FBXL20: variants seen among roughly 807,000 people sequenced by gnomAD.
FBXL20 encodes the protein F-box and leucine rich repeat protein 20.
FBXL20 carries 11 observed loss-of-function variants against 64.0 expected under a neutral mutation model. The ratio of observed to expected loss-of-function variants is 0.17; its 90% CI spans 0.11 to 0.28. FBXL20 has a LOEUF of 0.28. Ranked by LOEUF, FBXL20 falls within the 10% of genes least tolerant of loss-of-function variation. The pLI is 1.00. For synonymous variants in FBXL20, 184 were observed against 189.0 expected, an observed-to-expected ratio of 0.97 and a Z score of 0.22; for missense variants, 303 against 526.2, an observed-to-expected ratio of 0.58 and a Z score of 4.15.
intron 1 of FBXL20, among the ~76,000 whole-genome samples, chr17:39,398,646 C>T (rs1013220922): frequency 1.3e-5 from 2 of 151,994 alleles, no homozygotes; most frequent in Non-Finnish European, 2.9e-5. Flanking sequence ...TGCTACACAT[C>T]TGGCTAACAG....
Position 39,254,447 on chromosome 17 carries a change from C to T in FBXL20, c.*7013G>A, listed in dbSNP as rs752314. On this transcript the variant is annotated 3_prime_UTR_variant, in exon 15 of 15. Coordinates refer to ENST00000264658, the MANE Select transcript of FBXL20 (RefSeq NM_032875.3). ...AAGAGAAAAGGTAAATATGTCTGGA[C>T]ACCTCTCTTCTCCCATCTCTTCCTA... 94,669 of 152,924 alleles carry T rather than the reference C, an allele frequency of 0.62. 32,505 individuals are homozygous for T. Among genetic ancestry groups the T allele is most frequent in the South Asian group, 0.89 (4,314 of 4,850 alleles). The allele number at this position is 152,924 out of a possible 1,614,324, so 9.5% of individuals were successfully genotyped here. A position where few individuals can be genotyped will look rare whatever the true frequency, so the allele number is the denominator to read the frequency against.
At chr17:39,363,227 T>C (rs1046732013) in intron 1 of FBXL20, among the ~76,000 whole-genome samples, 1 of 151,300 alleles carries the variant, frequency 6.6e-6, no homozygotes, top group African/African-American at 2.4e-5. Context: ...TTGGTCAGGC[T>C]GGTCTTGAAC....
At chr17:39,386,539 G>A (rs778467643) in intron 1 of FBXL20, among the ~76,000 whole-genome samples, 15 of 149,642 alleles carry the variant, frequency 1.0e-4, no homozygotes, top group South Asian at 4.3e-4. Context: ...CACAAAAATC[G>A]CTTGAACCCG....
intron 2 of FBXL20, among the ~76,000 whole-genome samples, chr17:39,336,961 C>T (rs1242473174): frequency 6.6e-6 from 1 of 151,760 alleles, no homozygotes; most frequent in African/African-American, 2.4e-5. Flanking sequence ...CCTCTCCCTC[C>T]TCTCCCTCCT....
At chr17:39,399,905 T>C (rs2048224878) in intron 1 of FBXL20, among the ~76,000 whole-genome samples, 1 of 152,182 alleles carries the variant, frequency 6.6e-6, no homozygotes, top group Non-Finnish European at 1.5e-5. Context: ...GGCAAAAGAC[T>C]GTCCCCGACT....
At position 39,259,351 on chromosome 17, in the gene FBXL20, TG is replaced by T. The variant is rs1454393371; in HGVS notation, c.*2108del. The T allele has an allele frequency of 6.6e-6, 1 of 152,056 alleles. No individual in the cohort carries two copies. The highest frequency in any genetic ancestry group is 2.4e-5 in the African/African-American group (1 of 41,400). The allele number at this position is 152,056 out of a possible 1,614,324, so 9.4% of individuals were successfully genotyped here. ...AAATAAAACAAGCCTTTTAATAGTC[TG>T]GATCATATAGAAGATTAATATTATG... On this transcript the variant is annotated 3_prime_UTR_variant, in exon 15 of 15. Transcript: ENST00000264658.
rs76021350 is a variant in FBXL20, at chr17:39,345,957, A to G, written c.43-2716T>C. Among the ~76,000 whole-genome samples the G allele has an allele frequency of 9.2e-3, 1,395 of 152,246 alleles. 17 individuals carry two copies. The highest frequency in any genetic ancestry group is 0.032 in the African/African-American group (1,318 of 41,546). On this transcript the variant is annotated intron_variant, in intron 1 of 14. Coordinates refer to ENST00000264658, the MANE Select transcript of FBXL20 (RefSeq NM_032875.3). The stretch of plus-strand genomic sequence containing the variant: ...TAGGGTTGTGCACAGAGCCTGCTAC[A>G]TGGCAGGAAATCAATAAATCTACCT...
chr17:39,325,669 G>A (rs1254728503), intron 2 of FBXL20, among the ~76,000 whole-genome samples: 1 of 152,116 alleles, frequency 6.6e-6, no homozygotes, highest in Non-Finnish European at 1.5e-5. Context: ...ATTGTAGAGA[G>A]ATCCAATGTG....
intron 2 of FBXL20, among the ~76,000 whole-genome samples, chr17:39,316,652 A>T (rs561574208): frequency 6.6e-6 from 1 of 152,262 alleles, no homozygotes; most frequent in African/African-American, 2.4e-5. Context: ...AAGGGAAGCC[A>T]TAAGTTCAGA....
chr17:39,337,517 C>T (rs2047535645), intron 2 of FBXL20, among the ~76,000 whole-genome samples: 1 of 151,924 alleles, frequency 6.6e-6, no homozygotes. Context: ...CTCTGCCCGG[C>T]CGCCCATCGT....
chr17:39,380,638 A>G (rs1191176532), intron 1 of FBXL20, among the ~76,000 whole-genome samples: 1 of 152,046 alleles, frequency 6.6e-6, no homozygotes, highest in Non-Finnish European at 1.5e-5. Flanking sequence ...GCCCATCACT[A>G]TCATTAACAT....
intron 2 of FBXL20, among the ~76,000 whole-genome samples, chr17:39,323,612 A>T (rs964445756): frequency 6.6e-6 from 1 of 152,066 alleles, no homozygotes; most frequent in African/African-American, 2.4e-5. Context: ...GAAGAATACT[A>T]CTGACTTAAT....
intron 1 of FBXL20, among the ~76,000 whole-genome samples, chr17:39,360,404 A>G (rs1181535338): frequency 6.6e-6 from 1 of 152,232 alleles, no homozygotes; most frequent in Admixed American, 6.5e-5. Flanking sequence ...TGCATATTTT[A>G]TAATAAAAAT....
At chr17:39,333,380 C>T (rs1253023824) in intron 2 of FBXL20, among the ~76,000 whole-genome samples, 2 of 152,242 alleles carry the variant, frequency 1.3e-5, no homozygotes, top group African/African-American at 2.4e-5. Context: ...CTCCTGACCG[C>T]GAGTGATCTG....
In FBXL20 at chr17:39,265,403, T is replaced by C; in HGVS notation, c.984A>G (p.Gln328=). The C allele has an allele frequency of 6.2e-7, 1 of 1,609,124 alleles. No homozygotes were observed. Among genetic ancestry groups the C allele is most frequent in the Non-Finnish European group, 8.5e-7 (1 of 1,176,388 alleles). ...IQLSIHCPRL[Q]VLSLSHCELI... is the part of the protein sequence containing the mutation. ...TTTTCAAAGTTAAACTCACCAATAC[T>C]TGAAGTCGAGGACAGTGTATAGAAA... Residue 328 remains glutamine (Q), a synonymous_variant, in exon 13 of 15, where the codon CAA becomes CAG. Transcript: ENST00000264658.
chr17:39,386,083 A>G (rs1450089764), intron 1 of FBXL20, among the ~76,000 whole-genome samples: 2 of 144,898 alleles, frequency 1.4e-5, no homozygotes, highest in African/African-American at 5.2e-5. Flanking sequence ...GGTGGCTCAC[A>G]CCTGTAATCT....
chr17:39,311,825 G>A (rs1212449784), intron 2 of FBXL20, among the ~76,000 whole-genome samples: 3 of 152,128 alleles, frequency 2.0e-5, no homozygotes, highest in Non-Finnish European at 4.4e-5. Flanking sequence ...ACAGGTGAGA[G>A]GCTTTACAAG....
At chr17:39,290,020 A>AG (rs2047023980) in intron 6 of FBXL20, among the ~76,000 whole-genome samples, 2 of 145,784 alleles carry the variant, frequency 1.4e-5, no homozygotes, top group Non-Finnish European at 3.0e-5. Flanking sequence ...AAAAAAAAAA[A>AG]AAAAAAAATT....
upstream of FBXL20, chr17:39,401,910 A>T: frequency 2.5e-6 from 1 of 407,868 alleles, no homozygotes; most frequent in Non-Finnish European, 4.1e-6. Context: ...TGCGTGTGGA[A>T]AAGGGGGTCT....
Sources: gnomAD v4.1 joint callset for allele counts (sites outside exome capture counted in the v4.1 genomes callset) on GRCh38, gnomAD v4.1.1 for gene constraint, MANE v1.5 for transcripts, NCBI Gene and HGNC (gene_info 2026-07-23, HGNC 2026-07-21) for gene names.